Variants in ADARB2 observed in about 807,000 individuals in gnomAD.
The protein encoded by ADARB2 is inactive double-stranded RNA-specific editase B2.
A neutral mutation model predicts 62.2 loss-of-function variants in ADARB2; 25 were observed. That is an observed-to-expected ratio of 0.40 (90% CI 0.29 to 0.56). The LOEUF is 0.56. Ranked by LOEUF, ADARB2 falls within the 20% of genes least tolerant of loss-of-function variation. The pLI is 0.43. For missense variants in ADARB2, 1,071 were observed against 1,077.4 expected (o/e 0.99, Z 0.08); for synonymous variants, 572 against 500.8 (o/e 1.14, Z -1.90).
At chr10:1,199,205 C>T (rs1209912953) in intron 8 of ADARB2, among the ~76,000 whole-genome samples, 1 of 147,268 alleles carries the variant, frequency 6.8e-6, no homozygotes, top group Non-Finnish European at 1.5e-5. Context: ...GGCGGTGATT[C>T]GGAAACCCAC....
At chr10:1,451,173 A>G (rs1831031861) in intron 1 of ADARB2, among the ~76,000 whole-genome samples, 1 of 152,236 alleles carries the variant, frequency 6.6e-6, no homozygotes, top group South Asian at 2.1e-4. Flanking sequence ...TAGTTCATCA[A>G]AAAACACTTT....
At chr10:1,616,890 T>C (rs12778256) in intron 1 of ADARB2, among the ~76,000 whole-genome samples, 20 of 103,058 alleles carry the variant, frequency 1.9e-4, no homozygotes, top group Admixed American at 4.1e-4. Flanking sequence ...CCTCAGACGG[T>C]TGCATTCTGT....
In ADARB2 at chr10:1,630,956, A is replaced by AAAACAAAC. The variant is rs57053077; in HGVS notation, c.100+106087_100+106094dup. On this transcript the variant is annotated intron_variant, in intron 1 of 9. Coordinates refer to ENST00000381312, the MANE Select transcript of ADARB2 (RefSeq NM_018702.4). ...GGTGACAGAGCGAGACTCCTTCTCA[A>AAAACAAAC]AAACAAACAAACAAACAAACAAACA... Among the ~76,000 whole-genome samples the AAAACAAAC allele has an allele frequency of 2.0e-3, 301 of 149,476 alleles. 1 individual carries two copies. The highest frequency in any genetic ancestry group is 8.2e-3 in the South Asian group (38 of 4,610).
chr10:1,582,857 A>T (rs1833124575), intron 1 of ADARB2, among the ~76,000 whole-genome samples: 1 of 152,110 alleles, frequency 6.6e-6, no homozygotes, highest in East Asian at 1.9e-4. Context: ...TGATTTCATA[A>T]TCATGGTGCC....
intron 1 of ADARB2, among the ~76,000 whole-genome samples, chr10:1,429,648 T>C (rs751750117): frequency 5.9e-5 from 9 of 152,292 alleles, no homozygotes; most frequent in Admixed American, 2.6e-4. Context: ...AGCTTCTATA[T>C]TCTGCTGATA....
chr10:1,719,427 G>A (rs1835060143), intron 1 of ADARB2, among the ~76,000 whole-genome samples: 1 of 152,188 alleles, frequency 6.6e-6, no homozygotes, highest in Non-Finnish European at 1.5e-5. Flanking sequence ...CTTCTAAATT[G>A]AATATATGAT....
intron 1 of ADARB2, among the ~76,000 whole-genome samples, chr10:1,455,858 C>A (rs1055056709): frequency 6.6e-6 from 1 of 152,166 alleles, no homozygotes; most frequent in African/African-American, 2.4e-5. Flanking sequence ...CCTATCACCA[C>A]ACAAATACGT....
rs1425606361 is a variant in ADARB2, at chr10:1,233,699, G to T, written c.1508C>A (p.Thr503Lys). The T allele has an allele frequency of 1.2e-6, 2 of 1,613,266 alleles. No individual in the cohort carries two copies. The highest frequency in any genetic ancestry group is 1.7e-6 in the Non-Finnish European group (2 of 1,179,644). ...GTAAAAGCATGGTCTCTTACGGTCT[G>T]TGGTGATCTCGTAGGGAGAGTGGAG... is the stretch of plus-strand genomic sequence containing the variant. ...ARLHSPYEIT[T>K]DLHSSKHLVR... Residue 503 changes from threonine (T) to lysine (K), a missense_variant, in exon 6 of 10, where the codon ACA (threonine) becomes AAA (lysine). By Grantham distance (78) the Thr-to-Lys change is moderately conservative (BLOSUM62 -1). Transcript: ENST00000381312.
At chr10:1,221,547 C>G (rs1249847494) in intron 6 of ADARB2, among the ~76,000 whole-genome samples, 1 of 151,918 alleles carries the variant, frequency 6.6e-6, no homozygotes, top group African/African-American at 2.4e-5. Context: ...AGGTATATCT[C>G]CTAATGCTAT....
intron 6 of ADARB2, among the ~76,000 whole-genome samples, chr10:1,233,094 C>G (rs1830825091): frequency 1.3e-5 from 2 of 152,134 alleles, no homozygotes; most frequent in Non-Finnish European, 2.9e-5. Flanking sequence ...GAGCCCCACC[C>G]TGCCCCACGC....
intron 1 of ADARB2, among the ~76,000 whole-genome samples, chr10:1,391,753 G>C (rs896321242): frequency 2.7e-5 from 4 of 145,854 alleles, no homozygotes; most frequent in Non-Finnish European, 4.5e-5. Context: ...CTGCCAGGAT[G>C]TCTAAGAATT....
chr10:1,670,074 C>G (rs1368389990), intron 1 of ADARB2, among the ~76,000 whole-genome samples: 5 of 152,222 alleles, frequency 3.3e-5, no homozygotes, highest in African/African-American at 7.2e-5. Context: ...CTTCATGAAG[C>G]CTCCCAGGTT....
chr10:1,485,518 G>T (rs537083652), intron 1 of ADARB2, among the ~76,000 whole-genome samples: 2 of 152,082 alleles, frequency 1.3e-5, no homozygotes, highest in Non-Finnish European at 2.9e-5. Context: ...ACTCTCACCC[G>T]CCAGTCTCTG....
At chr10:1,576,431 C>T (rs1833022725) in intron 1 of ADARB2, among the ~76,000 whole-genome samples, 1 of 152,070 alleles carries the variant, frequency 6.6e-6, no homozygotes, top group Non-Finnish European at 1.5e-5. Context: ...GGCTCAGGGG[C>T]CATTGCAGGA....
chr10:1,551,810 C>T (rs529441637), intron 1 of ADARB2, among the ~76,000 whole-genome samples: 3 of 152,294 alleles, frequency 2.0e-5, no homozygotes, highest in South Asian at 2.1e-4. Context: ...TGAATGTCTC[C>T]GGGACACAAT....
intron 1 of ADARB2, among the ~76,000 whole-genome samples, chr10:1,434,579 CA>C (rs1830814855): frequency 6.6e-6 from 1 of 152,096 alleles, no homozygotes; most frequent in Non-Finnish European, 1.5e-5. Context: ...ACAACGAAGG[CA>C]TTCTTAACAG....
rs560692369 is a variant in ADARB2 at position 1,259,101 on chromosome 10, G to C, written c.1192+11854C>G. 2.0e-5 allele frequency among the ~76,000 whole-genome samples: 3 copies of C among 152,182 alleles called. No homozygotes were observed. The East Asian group carries it at 5.8e-4, about 29-fold the overall frequency. ...AAATAAAGATGTTCTTTGAAACCAA[G>C]GAGAACAAAGACACAACATACCAGA... is the stretch of plus-strand genomic sequence containing the variant. On this transcript the variant is annotated intron_variant, in intron 4 of 9. Coordinates refer to ENST00000381312, the MANE Select transcript of ADARB2 (RefSeq NM_018702.4).
intron 7 of ADARB2, 168 bp downstream of exon 7, chr10:1,216,783 G>T: frequency 1.1e-6 from 1 of 930,002 alleles, no homozygotes; most frequent in Non-Finnish European, 1.6e-6. Flanking sequence ...TCAGGGTGTG[G>T]GACTGAACAT....
At chr10:1,266,292 G>A (rs1286181775) in intron 4 of ADARB2, among the ~76,000 whole-genome samples, 2 of 152,246 alleles carry the variant, frequency 1.3e-5, no homozygotes, top group South Asian at 2.1e-4. Flanking sequence ...TAGGTCCGGT[G>A]CAACAGCGCA....
Sources: gnomAD v4.1 joint callset for allele counts (sites outside exome capture counted in the v4.1 genomes callset) on GRCh38, gnomAD v4.1.1 for gene constraint, MANE v1.5 for transcripts, NCBI Gene and HGNC (gene_info 2026-07-23, HGNC 2026-07-21) for gene names.